Variants in ABTB3 observed in about 807,000 individuals in gnomAD.
ABTB3 encodes the protein ankyrin repeat- and BTB/POZ domain-containing protein 3.
the ABTB3 span, among the ~76,000 whole-genome samples, chr12:107,550,510 T>A: frequency 1.1e-3 from 165 of 145,608 alleles, no homozygotes; most frequent in African/African-American, 3.9e-3. Flanking sequence ...AAAAAAAAAA[T>A]GAAAAACAAC....
the ABTB3 span, among the ~76,000 whole-genome samples, chr12:107,437,735 A>C: frequency 6.6e-6 from 1 of 152,114 alleles, no homozygotes; most frequent in South Asian, 2.1e-4. Context: ...TTTCTTTTAC[A>C]AAGATAATTG....
the ABTB3 span, among the ~76,000 whole-genome samples, chr12:107,437,458 G>A: frequency 2.7e-5 from 4 of 150,822 alleles, no homozygotes; most frequent in South Asian, 2.1e-4. Context: ...GTACAGTGGC[G>A]TGATCTTGGC....
At chr12:107,379,256 A>G in the ABTB3 span, among the ~76,000 whole-genome samples, 1 of 152,156 alleles carries the variant, frequency 6.6e-6, no homozygotes, top group East Asian at 1.9e-4. Flanking sequence ...TGGTGTTAGT[A>G]GACCAGTTGA....
the ABTB3 span, among the ~76,000 whole-genome samples, chr12:107,492,522 T>A: frequency 6.6e-6 from 1 of 152,140 alleles, no homozygotes; most frequent in African/African-American, 2.4e-5. Flanking sequence ...AGGCTTCTCA[T>A]AATGCCAGTG....
the ABTB3 span, among the ~76,000 whole-genome samples, chr12:107,486,090 G>T: frequency 6.6e-6 from 1 of 152,184 alleles, no homozygotes; most frequent in African/African-American, 2.4e-5. Context: ...TTGGTCCCCA[G>T]TGTGACAGTG....
chr12:107,413,617 TA>T, the ABTB3 span, among the ~76,000 whole-genome samples: 1,217 of 151,404 alleles, frequency 8.0e-3, 21 homozygotes, highest in African/African-American at 0.027. Context: ...AGGTGTTATG[TA>T]AAAAAAAAGA....
the ABTB3 span, among the ~76,000 whole-genome samples, chr12:107,429,986 T>C: frequency 3.9e-5 from 6 of 152,378 alleles, no homozygotes; most frequent in South Asian, 2.1e-4. Context: ...GAAGAACAGA[T>C]ACCACAAACA....
At chr12:107,357,150 T>C in the ABTB3 span, among the ~76,000 whole-genome samples, 7 of 152,192 alleles carry the variant, frequency 4.6e-5, no homozygotes, top group Admixed American at 2.6e-4. Flanking sequence ...CAGCATATTA[T>C]GGACACATTC....
At chr12:107,537,105 TAAATA>T in the ABTB3 span, among the ~76,000 whole-genome samples, 3 of 152,060 alleles carry the variant, frequency 2.0e-5, no homozygotes, top group Non-Finnish European at 4.4e-5. Flanking sequence ...AACAATATAT[TAAATA>T]AAATAAGTCA....
chr12:107,477,086 C>T, the ABTB3 span, among the ~76,000 whole-genome samples: 3 of 152,154 alleles, frequency 2.0e-5, no homozygotes, highest in African/African-American at 7.2e-5. Flanking sequence ...ATTAAAATGT[C>T]TGTGCCCTGT....
At chr12:107,416,025 T>C in the ABTB3 span, among the ~76,000 whole-genome samples, 2 of 151,772 alleles carry the variant, frequency 1.3e-5, no homozygotes, top group Admixed American at 6.6e-5. Flanking sequence ...CAGCCAGTAA[T>C]GGGAGGTTGG....
the ABTB3 span, among the ~76,000 whole-genome samples, chr12:107,591,721 A>G: frequency 3.3e-5 from 5 of 152,166 alleles, no homozygotes; most frequent in Non-Finnish European, 5.9e-5. Context: ...GCCCTCTCTT[A>G]TATCTCCACA....
At chr12:107,647,064 C>G in the ABTB3 span, among the ~76,000 whole-genome samples, 1 of 152,168 alleles carries the variant, frequency 6.6e-6, no homozygotes, top group Non-Finnish European at 1.5e-5. Flanking sequence ...CATGGTGGCT[C>G]ACACTTGTAA....
the ABTB3 span, among the ~76,000 whole-genome samples, chr12:107,637,410 A>G: frequency 6.6e-6 from 1 of 151,980 alleles, no homozygotes; most frequent in East Asian, 1.9e-4. Context: ...TAAAAAAAAA[A>G]TGTTTTTAAG....
At chr12:107,319,512 T>C in the ABTB3 span, 3 of 1,578,780 alleles carry the variant, frequency 1.9e-6, no homozygotes, top group Non-Finnish European at 2.6e-6. Context: ...CTCTACAACA[T>C]GAGCAGCGCC....
the ABTB3 span, among the ~76,000 whole-genome samples, chr12:107,611,132 A>G: frequency 6.6e-5 from 10 of 152,328 alleles, no homozygotes; most frequent in Admixed American, 5.9e-4. Flanking sequence ...GTATATTTAT[A>G]TTCTTTTTAA....
the ABTB3 span, among the ~76,000 whole-genome samples, chr12:107,328,949 G>A: frequency 3.9e-5 from 6 of 152,176 alleles, no homozygotes; most frequent in East Asian, 3.9e-4. Context: ...TTTAGTCCCC[G>A]CCGGCTTCCC....
At chr12:107,615,286 T>C in the ABTB3 span, 10 of 693,410 alleles carry the variant, frequency 1.4e-5, no homozygotes, top group Non-Finnish European at 2.2e-5. Context: ...CAATTCAATA[T>C]AGTATATTCA....
At chr12:107,342,510 C>T in the ABTB3 span, among the ~76,000 whole-genome samples, 1 of 152,138 alleles carries the variant, frequency 6.6e-6, no homozygotes, top group South Asian at 2.1e-4. Context: ...GGACCATGGT[C>T]AACCTTCTTA....
Sources: gnomAD v4.1 joint callset for allele counts (sites outside exome capture counted in the v4.1 genomes callset) on GRCh38, gnomAD v4.1.1 for gene constraint, MANE v1.5 for transcripts, NCBI Gene and HGNC (gene_info 2026-07-23, HGNC 2026-07-21) for gene names.